The following HIVEP1 variants were observed in gnomAD, a reference collection of about 807,000 sequenced individuals.
The protein encoded by HIVEP1 is zinc finger protein 40.
A neutral mutation model predicts 180.0 loss-of-function variants in HIVEP1; 36 were observed. That is an observed-to-expected ratio of 0.20 (90% CI 0.15 to 0.26). The LOEUF is 0.26. Among genes scored for constraint, HIVEP1 ranks in the 10% least tolerant of loss-of-function variants. The pLI is 1.00. For synonymous variants in HIVEP1, 1,239 were observed against 1,239.0 expected (o/e 1.00, Z 0.00); for missense variants, 3,143 against 3,268.7 (o/e 0.96, Z 0.94).
chr6:12,010,947 C>T (rs1391780218), upstream of HIVEP1, among the ~76,000 whole-genome samples: 9 of 152,148 alleles, frequency 5.9e-5, no homozygotes, highest in African/African-American at 2.2e-4. Context: ...TTTTCTGTCC[C>T]CGAAGTCCCC....
At chr6:12,059,465 T>C (rs972961251) in intron 2 of HIVEP1, among the ~76,000 whole-genome samples, 9 of 152,232 alleles carry the variant, frequency 5.9e-5, no homozygotes, top group South Asian at 4.1e-4. Context: ...GATTGTGTTA[T>C]TGTGTTATCT....
At chr6:12,011,113 G>T (rs912046063), upstream of HIVEP1, among the ~76,000 whole-genome samples, 7 of 152,182 alleles carry the variant, frequency 4.6e-5, no homozygotes, top group Non-Finnish European at 8.8e-5. Flanking sequence ...ACCAAAAAGT[G>T]GTTTCAGTTC....
chr6:12,168,375 TG>T (rs1377862690), downstream of HIVEP1, among the ~76,000 whole-genome samples: 1,688 of 129,370 alleles, frequency 0.013, 23 homozygotes, highest in Middle Eastern at 0.028. Flanking sequence ...TACATATACA[TG>T]TATATATGTA....
At position 12,122,606 on chromosome 6, in the gene HIVEP1, C is replaced by T; in HGVS notation, c.2811C>T (p.Ser937=). The T allele has an allele frequency of 1.2e-6, 2 of 1,614,142 alleles. No homozygotes were observed. The highest frequency in any genetic ancestry group is 1.7e-6 in the Non-Finnish European group (2 of 1,180,026). Residue 937 remains serine, a synonymous_variant, in exon 4 of 9, where the codon AGC becomes AGT. Transcript: ENST00000379388. ...CTGGTGAAGCCATGTCAGTGAGGAG[C>T]AAGGCACTGGCACAAGGCCCACATA... is the stretch of plus-strand genomic sequence containing the variant. ...HAAGEAMSVR[S]KALAQGPHIE...
downstream of HIVEP1, among the ~76,000 whole-genome samples, chr6:12,167,667 TATATAC>T (rs1401078272): frequency 8.7e-5 from 4 of 45,842 alleles, no homozygotes; most frequent in East Asian, 6.3e-4. Context: ...TATATATACA[TATATAC>T]ATATATGTGT....
the HIVEP1 span, among the ~76,000 whole-genome samples, chr6:12,174,752 C>G: frequency 7.9e-5 from 12 of 152,162 alleles, no homozygotes; most frequent in African/African-American, 2.9e-4. Context: ...TAACATATTT[C>G]CATGATGGAC....
chr6:12,068,456 G>A (rs1771746012), intron 2 of HIVEP1, among the ~76,000 whole-genome samples: 1 of 152,092 alleles, frequency 6.6e-6, no homozygotes, highest in African/African-American at 2.4e-5. Context: ...AAAGAATCAT[G>A]TTTTGTAATA....
intron 7 of HIVEP1, among the ~76,000 whole-genome samples, chr6:12,148,731 A>G (rs1759517830): frequency 1.3e-5 from 2 of 152,228 alleles, no homozygotes; most frequent in South Asian, 4.1e-4. Context: ...CACAACAGTT[A>G]TCAAAGTCAG....
intron 2 of HIVEP1, among the ~76,000 whole-genome samples, chr6:12,020,890 C>CTTTCTTTTTT (rs536583043): frequency 9.5e-6 from 1 of 105,778 alleles, no homozygotes; most frequent in Non-Finnish European, 1.8e-5. Flanking sequence ...TTCTTTCTTT[C>CTTTCTTTTTT]TTTTTTTTTT....
At chr6:12,018,654 T>C (rs1767995744) in intron 2 of HIVEP1, among the ~76,000 whole-genome samples, 2 of 152,064 alleles carry the variant, frequency 1.3e-5, no homozygotes, top group South Asian at 4.2e-4. Context: ...GAATGATGAT[T>C]TAGGGAAGGA....
In HIVEP1 at chr6:12,125,436, A is replaced by G; in HGVS notation, c.5641A>G (p.Thr1881Ala). 6.2e-7 allele frequency: 1 copy of G among 1,614,086 alleles called. No individual in the cohort carries two copies. Among genetic ancestry groups the G allele is most frequent in the Non-Finnish European group, 8.5e-7 (1 of 1,179,970 alleles). ...AAGTTCACCTGCTCCTTCAGAAAAT[A>G]CTCATATTTCTCCTTTGAAATGTAC... is the stretch of plus-strand genomic sequence containing the variant. ...VRSSPAPSEN[T>A]HISPLKCTDN... Residue 1881 changes from threonine (T) to alanine (A), a missense_variant, in exon 4 of 9, where the codon ACT becomes GCT. This residue lies in a region of HIVEP1 where 1,357 missense variants were observed against 1,260.5 expected (regional missense o/e 1.08). Transcript: ENST00000379388.
At chr6:12,207,766 T>TAATAATAATAATAATAA in the HIVEP1 span, among the ~76,000 whole-genome samples, 10 of 149,602 alleles carry the variant, frequency 6.7e-5, no homozygotes, top group Non-Finnish European at 1.2e-4. Context: ...ATAATAATAA[T>TAATAATAATAATAATAA]TAGCCAGGTG....
chr6:12,124,165 C>G lies in HIVEP1; in HGVS notation c.4370C>G (p.Pro1457Arg). The change falls in exon 4 of 9, where the codon CCC becomes CGC. Residue 1457 changes from proline (P) to arginine (R), a missense_variant. Physicochemically the swap from Pro to Arg is moderately radical, Grantham distance 103. This residue lies in a region of HIVEP1 where 1,357 missense variants were observed against 1,260.5 expected (regional missense o/e 1.08). Coordinates refer to ENST00000379388, the MANE Select transcript of HIVEP1 (RefSeq NM_002114.4). ...HPTSFQNTAL[P>R]SVNAVPYQGP... The stretch of plus-strand genomic sequence containing the variant: ...ACATCTTTCCAAAATACTGCTCTTC[C>G]CAGTGTGAATGCAGTGCCATATCAG... 1 of 1,614,062 alleles carries G rather than the reference C, an allele frequency of 6.2e-7. No homozygotes were observed. Among genetic ancestry groups the G allele is most frequent in the South Asian group, 1.1e-5 (1 of 91,066 alleles).
intron 2 of HIVEP1, among the ~76,000 whole-genome samples, chr6:12,019,674 T>G (rs560016189): frequency 1.9e-4 from 29 of 152,272 alleles, no homozygotes; most frequent in Middle Eastern, 3.4e-3. Flanking sequence ...AAGTCCGTAT[T>G]AAAAGGCAGA....
At chr6:12,059,314 A>G (rs1771078728) in intron 2 of HIVEP1, among the ~76,000 whole-genome samples, 1 of 152,090 alleles carries the variant, frequency 6.6e-6, no homozygotes, top group African/African-American at 2.4e-5. Flanking sequence ...CTGGAATTAC[A>G]GGCGTGAGCC....
chr6:12,178,777 G>A, the HIVEP1 span, among the ~76,000 whole-genome samples: 15 of 152,102 alleles, frequency 9.9e-5, no homozygotes, highest in African/African-American at 3.4e-4. Context: ...ACTTGCCAAG[G>A]GGACATGAAC....
chr6:12,103,396 A>G (rs754490983), intron 3 of HIVEP1, among the ~76,000 whole-genome samples: 1 of 152,154 alleles, frequency 6.6e-6, no homozygotes. Context: ...CGGCAGAGCC[A>G]GAACCTAGAC....
chr6:12,199,360 C>CTTTTTTTTTTTTTTTTTTTTTTTTT, the HIVEP1 span, among the ~76,000 whole-genome samples: 2 of 109,446 alleles, frequency 1.8e-5, no homozygotes, highest in African/African-American at 3.6e-5. Flanking sequence ...ACTGTCAATC[C>CTTTTTTTTTTTTTTTTTTTTTTTTT]TTTTTTTTTT....
intron 2 of HIVEP1, among the ~76,000 whole-genome samples, chr6:12,069,389 G>A (rs1278420325): frequency 6.6e-6 from 1 of 152,124 alleles, no homozygotes; most frequent in Non-Finnish European, 1.5e-5. Context: ...TGGGTGGTGA[G>A]TGGATGGGGA....
Sources: gnomAD v4.1 joint callset for allele counts (sites outside exome capture counted in the v4.1 genomes callset) on GRCh38, gnomAD v4.1.1 for gene constraint, gnomAD v4.1.1 regional missense constraint, MANE v1.5 for transcripts, NCBI Gene and HGNC (gene_info 2026-07-23, HGNC 2026-07-21) for gene names.